The following LARP1B variants were observed in gnomAD, a reference collection of about 807,000 sequenced individuals.
LARP1B encodes the protein la-related protein 1B.
LARP1B carries 76 observed loss-of-function variants against 114.2 expected under a neutral mutation model. The ratio of observed to expected loss-of-function variants is 0.67; its 90% CI spans 0.55 to 0.81. The LOEUF (loss-of-function observed/expected upper bound fraction) is 0.81. Among genes scored for constraint, LARP1B ranks in the 30% least tolerant of loss-of-function variants. The pLI, the probability that LARP1B is intolerant of heterozygous loss-of-function variation, is 0.00. For missense variants in LARP1B, 1,014 were observed against 1,075.8 expected, an observed-to-expected ratio of 0.94 and a Z score of 0.80; for synonymous variants, 345 against 348.0, an observed-to-expected ratio of 0.99 and a Z score of 0.10.
chr4:128,087,396 A>G (rs955270330), intron 5 of LARP1B, among the ~76,000 whole-genome samples: 14 of 152,228 alleles, frequency 9.2e-5, no homozygotes, highest in Non-Finnish European at 1.3e-4. Context: ...TTAGCATTCA[A>G]AAATTTTAAA....
chr4:128,096,277 G>A (rs949885132), intron 7 of LARP1B, among the ~76,000 whole-genome samples: 9 of 152,140 alleles, frequency 5.9e-5, no homozygotes, highest in Non-Finnish European at 8.8e-5. Flanking sequence ...ACAGGCGTGA[G>A]CCACCGCGCC....
rs1762849531 is a variant in LARP1B, at chr4:128,066,338, G to C, written c.-78+4937G>C. Among the ~76,000 whole-genome samples the C allele has an allele frequency of 3.3e-5, 5 of 151,508 alleles. No homozygotes were observed. The South Asian group carries it at 1.0e-3, about 32-fold the overall frequency. ...ACTACAGGCGCCTGCCACCATGCCCGGCTGATTTTTTGTATTATTTTAGTA... is the reference window on the plus strand; with the variant it reads ...ACTACAGGCGCCTGCCACCATGCCCCGCTGATTTTTTGTATTATTTTAGTA... On this transcript the variant is annotated intron_variant, in intron 1 of 19. Transcript: ENST00000326639.
chr4:128,063,745 C>T (rs939059480), intron 1 of LARP1B, among the ~76,000 whole-genome samples: 5 of 151,910 alleles, frequency 3.3e-5, no homozygotes, highest in African/African-American at 4.8e-5. Flanking sequence ...CGCCACTGCA[C>T]TCCAGCCTGG....
intron 9 of LARP1B, among the ~76,000 whole-genome samples, chr4:128,113,481 C>G (rs1784798183): frequency 6.6e-6 from 1 of 151,190 alleles, no homozygotes; most frequent in Non-Finnish European, 1.5e-5. Context: ...GTGGGAATTA[C>G]AGGTGCTCAC....
chr4:128,219,796 A>AAAT (rs1759850625), intron 6 of LARP1B, among the ~76,000 whole-genome samples: 1 of 147,926 alleles, frequency 6.8e-6, no homozygotes, highest in Non-Finnish European at 1.5e-5. Context: ...AAAGTATAAT[A>AAAT]AAATAAATAA....
chr4:128,212,912 CTTTT>C (rs1174891101), downstream of LARP1B, among the ~76,000 whole-genome samples: 2 of 83,762 alleles, frequency 2.4e-5, no homozygotes, highest in South Asian at 5.3e-4. Context: ...AAATCTCTCT[CTTTT>C]TTTTTTTTTT....
At chr4:128,173,504 A>T (rs1016414523) in intron 12 of LARP1B, among the ~76,000 whole-genome samples, 2 of 152,238 alleles carry the variant, frequency 1.3e-5, no homozygotes, top group Admixed American at 1.3e-4. Flanking sequence ...AAGGCAGTAG[A>T]GACTGCAGAC....
At chr4:128,083,950 C>T (rs1022452951) in intron 5 of LARP1B, among the ~76,000 whole-genome samples, 9 of 149,336 alleles carry the variant, frequency 6.0e-5, no homozygotes, top group Non-Finnish European at 8.9e-5. Context: ...TCAGACGGGG[C>T]GGTTGCTGGG....
At chr4:128,153,083 A>G (rs1362172741) in intron 11 of LARP1B, among the ~76,000 whole-genome samples, 1 of 145,514 alleles carries the variant, frequency 6.9e-6, no homozygotes, top group African/African-American at 2.6e-5. Flanking sequence ...CCTGGGTTCA[A>G]GCGATTCTCC....
At chr4:128,166,991 T>TAC (rs1468086330) in intron 12 of LARP1B, among the ~76,000 whole-genome samples, 5,230 of 138,240 alleles carry the variant, frequency 0.038, 142 homozygotes, top group East Asian at 0.07. Flanking sequence ...TATATATATA[T>TAC]ATACACACAC....
At chr4:128,207,410 CT>C in intron 19 of LARP1B, 27 bp downstream of exon 19, 1 of 1,410,550 alleles carries the variant, frequency 7.1e-7, no homozygotes, top group Non-Finnish European at 9.4e-7. Context: ...TTCCTCTATT[CT>C]TTTTATTATC....
At chr4:128,093,153 T>A in intron 7 of LARP1B, 1 of 375,810 alleles carries the variant, frequency 2.7e-6, no homozygotes, top group Non-Finnish European at 3.7e-6. Context: ...GAGCACTAGG[T>A]TTAGTGTGGC....
intron 15 of LARP1B, among the ~76,000 whole-genome samples, chr4:128,191,145 A>G (rs552799308): frequency 6.6e-6 from 1 of 150,756 alleles, no homozygotes; most frequent in East Asian, 2.0e-4. Flanking sequence ...TTTGTGTTAC[A>G]TTTCTCTGAT....
chr4:128,155,849 T>C, intron 11 of LARP1B: 2 of 1,571,592 alleles, frequency 1.3e-6, no homozygotes, highest in Admixed American at 3.3e-5. Context: ...ATCGAGGAGC[T>C]GCAGAAGCAG....
chr4:128,142,518 T>C (rs1728491370), intron 11 of LARP1B, among the ~76,000 whole-genome samples: 1 of 151,758 alleles, frequency 6.6e-6, no homozygotes, highest in Non-Finnish European at 1.5e-5. Flanking sequence ...TTCTTTTTTT[T>C]TTTTTTTGAG....
chr4:128,138,773 C>T (rs951796699), intron 11 of LARP1B, among the ~76,000 whole-genome samples: 8 of 152,070 alleles, frequency 5.3e-5, no homozygotes, highest in African/African-American at 1.4e-4. Context: ...GCCTGGCCAC[C>T]GTGGTGAAAT....
intron 10 of LARP1B, among the ~76,000 whole-genome samples, chr4:128,120,555 C>A (rs1005313469): frequency 6.6e-6 from 1 of 150,910 alleles, no homozygotes; most frequent in East Asian, 2.0e-4. Context: ...TTCAAGCCTC[C>A]GCCTCCAGGG....
chr4:128,091,251 T>G, intron 6 of LARP1B, 96 bp from the exon 7 acceptor site: 1 of 1,516,178 alleles, frequency 6.6e-7, no homozygotes, highest in Non-Finnish European at 8.9e-7. Context: ...AATAGATGGT[T>G]TTATGTTTGT....
intron 11 of LARP1B, chr4:128,123,736 T>C (rs895170334): frequency 2.1e-6 from 2 of 973,448 alleles, no homozygotes; most frequent in Non-Finnish European, 2.4e-6. Context: ...TTGTGTATAA[T>C]ATTTGTTCTG....
Sources: gnomAD v4.1 joint callset for allele counts (sites outside exome capture counted in the v4.1 genomes callset) on GRCh38, gnomAD v4.1.1 for gene constraint, MANE v1.5 for transcripts, NCBI Gene and HGNC (gene_info 2026-07-23, HGNC 2026-07-21) for gene names.